POP1: variants seen among roughly 807,000 people sequenced by gnomAD.
POP1 encodes the protein ribonucleases P/MRP protein subunit POP1.
In POP1, 75 loss-of-function variants were observed where a neutral mutation model predicts 102.2. The observed-to-expected ratio is 0.73, with a 90% CI of 0.61 to 0.89. The LOEUF is 0.89. Ranked by LOEUF, POP1 falls within the 40% of genes least tolerant of loss-of-function variation. POP1 has a pLI of 0.00. For missense variants in POP1, 1,116 were observed against 1,267.4 expected, an observed-to-expected ratio of 0.88 and a Z score of 1.81; for synonymous variants, 436 against 464.1, an observed-to-expected ratio of 0.94 and a Z score of 0.78.
Position 98,141,058 on chromosome 8 carries a change from G to T in POP1, c.1594+170G>T, listed in dbSNP as rs16896671. On this transcript the variant is annotated intron_variant, in intron 11 of 15. Transcript: ENST00000401707. ...CTGATTATGATCTAAGGAAATGGTAGGTGTGGAAGTGTCTTTTAGCAGTAA... is the reference window on the plus strand; with the variant it reads ...CTGATTATGATCTAAGGAAATGGTATGTGTGGAAGTGTCTTTTAGCAGTAA... Among the ~76,000 whole-genome samples, 20,150 of 151,948 alleles carry T rather than the reference G, an allele frequency of 0.13. 1,460 individuals carry two copies. Among genetic ancestry groups the T allele is most frequent in the Middle Eastern group, 0.26 (75 of 294 alleles).
Position 98,134,479 on chromosome 8 carries a change from G to A in POP1, c.831G>A (p.Thr277=), listed in dbSNP as rs1442143865. ...SGMCNIDTGL[T]FAAVHCLSGK... Reference sequence around the variant, plus strand: ...TGCTTTTGTTGATGTCAGGGCTGACGTTTGCAGCAGTTCACTGCTTGTCTG... The same window carrying A: ...TGCTTTTGTTGATGTCAGGGCTGACATTTGCAGCAGTTCACTGCTTGTCTG... Residue 277 remains threonine, a synonymous_variant, in exon 7 of 16, where the codon ACG becomes ACA. Coordinates refer to ENST00000401707, the MANE Select transcript of POP1 (RefSeq NM_001145860.2). 1.2e-5 allele frequency: 20 copies of A among 1,613,992 alleles called. No individual in the cohort carries two copies. The highest frequency in any genetic ancestry group is 5.3e-5 in the African/African-American group (4 of 74,922).
chr8:98,128,310 T>C, intron 3 of POP1, 55 bp from the exon 4 acceptor site: 1 of 1,552,710 alleles, frequency 6.4e-7, no homozygotes, highest in Non-Finnish European at 8.9e-7. Context: ...GCCTGTTTAT[T>C]CTCCAATGTT....
At chr8:98,121,647 A>C (rs1816026249) in intron 1 of POP1, among the ~76,000 whole-genome samples, 1 of 149,670 alleles carries the variant, frequency 6.7e-6, no homozygotes, top group Non-Finnish European at 1.5e-5. Flanking sequence ...CCTCCCGAAT[A>C]GCTGGGACTA....
rs150696657 is a variant in POP1 at position 98,144,583 on chromosome 8, T to A, written c.1595-1985T>A. 2.0e-5 allele frequency among the ~76,000 whole-genome samples: 3 copies of A among 152,286 alleles called. No individual in the cohort carries two copies. The East Asian group carries it at 5.8e-4, about 29-fold the overall frequency. On this transcript the variant is annotated intron_variant, in intron 11 of 15. Transcript: ENST00000401707. Reference sequence around the variant, plus strand: ...AGCCACTTTTGCCAGACCTATCTATTATTATCTTTTAGAATATTTGAAGAT... The same window carrying A: ...AGCCACTTTTGCCAGACCTATCTATAATTATCTTTTAGAATATTTGAAGAT...
At chr8:98,125,194 T>G (rs1463139758) in intron 2 of POP1, among the ~76,000 whole-genome samples, 2 of 147,904 alleles carry the variant, frequency 1.4e-5, no homozygotes, top group Non-Finnish European at 3.0e-5. Flanking sequence ...TTTTTTTTTT[T>G]TTTTTTTTTG....
At position 98,157,651 on chromosome 8, in the gene POP1, T is replaced by A. The variant is rs770005409; in HGVS notation, c.2455T>A (p.Cys819Ser). The A allele has an allele frequency of 6.2e-7, 1 of 1,614,088 alleles. No homozygotes were observed. Among genetic ancestry groups the A allele is most frequent in the East Asian group, 2.2e-5 (1 of 44,898 alleles). Reference protein sequence around the residue: ...RKLLKQLSAWCGPSSEDSRGG... With the variant: ...RKLLKQLSAWSGPSSEDSRGG... ...ATTACTGAAGCAACTGTCAGCCTGGTGTGGGCCCAGTTCTGAGGATAGTCG... is the reference window on the plus strand; with the variant it reads ...ATTACTGAAGCAACTGTCAGCCTGGAGTGGGCCCAGTTCTGAGGATAGTCG... Residue 819 changes from cysteine (C) to serine (S), a missense_variant, in exon 16 of 16, where the codon TGT (cysteine) becomes AGT (serine). By Grantham distance (112) the Cys-to-Ser change is moderately radical (BLOSUM62 -1). Coordinates refer to ENST00000401707, the MANE Select transcript of POP1 (RefSeq NM_001145860.2).
intron 14 of POP1, among the ~76,000 whole-genome samples, chr8:98,155,428 G>A (rs1809621366): frequency 6.6e-6 from 1 of 150,938 alleles, no homozygotes; most frequent in Non-Finnish European, 1.5e-5. Flanking sequence ...TTACAGGCAT[G>A]TGCCACCACA....
At chr8:98,128,217 A>G in intron 3 of POP1, 148 bp from the exon 4 acceptor site, 1 of 751,690 alleles carries the variant, frequency 1.3e-6, no homozygotes, top group Non-Finnish European at 2.3e-6. Flanking sequence ...TATTCCTTGT[A>G]CCTTGTACCT....
At chr8:98,121,920 C>G (rs1226319246) in intron 1 of POP1, among the ~76,000 whole-genome samples, 1 of 152,078 alleles carries the variant, frequency 6.6e-6, no homozygotes, top group Non-Finnish European at 1.5e-5. Flanking sequence ...CTCCTGACCT[C>G]ATGATCCGCC....
At chr8:98,124,385 A>T (rs1448409175) in intron 2 of POP1, among the ~76,000 whole-genome samples, 1 of 152,076 alleles carries the variant, frequency 6.6e-6, no homozygotes, top group Non-Finnish European at 1.5e-5. Context: ...AACATGGCGA[A>T]ACTCCGTCTC....
chr8:98,153,533 CTTTTTTTTT>C (rs747984872), intron 14 of POP1, among the ~76,000 whole-genome samples: 4 of 85,506 alleles, frequency 4.7e-5, no homozygotes, highest in African/African-American at 9.6e-5. Flanking sequence ...AGTTCTGACT[CTTTTTTTTT>C]TTTTTTTTTT....
chr8:98,120,683 G>C (rs541889713), intron 1 of POP1, among the ~76,000 whole-genome samples: 1 of 139,788 alleles, frequency 7.2e-6, no homozygotes, highest in South Asian at 2.2e-4. Context: ...GTCTTGCTCC[G>C]TCGCCCAGGC....
chr8:98,126,371 G>T (rs1352184679), intron 2 of POP1, among the ~76,000 whole-genome samples: 1 of 152,104 alleles, frequency 6.6e-6, no homozygotes, highest in East Asian at 1.9e-4. Flanking sequence ...TGACATGACA[G>T]GTGGAAAATT....
chr8:98,157,339 C>T (rs1809677024), intron 15 of POP1, among the ~76,000 whole-genome samples: 1 of 152,190 alleles, frequency 6.6e-6, no homozygotes, highest in Non-Finnish European at 1.5e-5. Context: ...TTCACCCTCA[C>T]TGTGATTACA....
chr8:98,153,533 CTTTTTTTTTTTT>C (rs747984872), intron 14 of POP1, among the ~76,000 whole-genome samples: 4 of 85,488 alleles, frequency 4.7e-5, no homozygotes, highest in Admixed American at 1.6e-4. Flanking sequence ...AGTTCTGACT[CTTTTTTTTTTTT>C]TTTTTTTTTT....
chr8:98,142,043 T>G (rs1816719702), intron 11 of POP1, among the ~76,000 whole-genome samples: 1 of 152,168 alleles, frequency 6.6e-6, no homozygotes, highest in Non-Finnish European at 1.5e-5. Flanking sequence ...TTTCTTTTCT[T>G]TTCTTTTTTA....
chr8:98,157,563 A>G (rs1586255732), intron 15 of POP1, 54 bp from the exon 16 acceptor site: 2 of 1,585,474 alleles, frequency 1.3e-6, no homozygotes, highest in Non-Finnish European at 1.7e-6. Flanking sequence ...TTCTGATTGC[A>G]TATTTTTTTC....
chr8:98,139,148 G>A (rs1314175500), intron 9 of POP1, among the ~76,000 whole-genome samples: 2 of 152,120 alleles, frequency 1.3e-5, no homozygotes, highest in East Asian at 3.8e-4. Context: ...ACTGCACCCG[G>A]CCATGATTGC....
In POP1 at chr8:98,150,515, A is replaced by G. The variant is rs1809487280; in HGVS notation, c.1933A>G (p.Lys645Glu). The G allele has an allele frequency of 6.2e-7, 1 of 1,613,958 alleles. No homozygotes were observed. Among genetic ancestry groups the G allele is most frequent in the Non-Finnish European group, 8.5e-7 (1 of 1,180,000 alleles). ...TCGAGGTGTGAGAGTCGGAGGGTTG[A>G]AAGAGTCTGCAGTGCATTCTCAGTA... Reference protein sequence around the residue: ...IYRGVRVGGLKESAVHSQYKR... With the variant: ...IYRGVRVGGLEESAVHSQYKR... The change falls in exon 14 of 16, where the codon AAA becomes GAA. Residue 645 changes from lysine (K) to glutamate (E), a missense_variant. By Grantham distance (56) the Lys-to-Glu change is moderately conservative (BLOSUM62 1). Coordinates refer to ENST00000401707, the MANE Select transcript of POP1 (RefSeq NM_001145860.2).
Sources: allele counts gnomAD v4.1 joint callset (sites outside exome capture counted in the v4.1 genomes callset), GRCh38; gene constraint gnomAD v4.1.1; transcripts MANE v1.5; gene names NCBI Gene and HGNC (gene_info 2026-07-23, HGNC 2026-07-21).